Variants in OR1J2 observed in about 807,000 individuals in gnomAD.
OR1J2 encodes olfactory receptor family 1 subfamily J member 2.
For synonymous variants in OR1J2, 142 were observed against 99.7 expected (o/e 1.42, Z -2.52); for missense variants, 304 against 246.1 (o/e 1.24, Z -1.57).
the OR1J2 span, chr9:122,527,367 C>G: frequency 1.2e-6 from 1 of 820,620 alleles, no homozygotes; most frequent in Non-Finnish European, 1.9e-6. Context: ...TGGGCTGACT[C>G]CCAAATCTCC....
At chr9:122,553,803 A>G in the OR1J2 span, 1 of 1,613,970 alleles carries the variant, frequency 6.2e-7, no homozygotes, top group Non-Finnish European at 8.5e-7. Context: ...TACCCATGTA[A>G]ACGAGCTGAT....
the OR1J2 span, among the ~76,000 whole-genome samples, chr9:122,533,959 A>G: frequency 1.8e-4 from 27 of 152,302 alleles, 1 homozygote; most frequent in South Asian, 5.6e-3. Flanking sequence ...CCAGAGTTCC[A>G]GGGGCTCTGG....
chr9:122,477,562 C>T, the OR1J2 span: 1 of 1,614,122 alleles, frequency 6.2e-7, no homozygotes, highest in South Asian at 1.1e-5. Flanking sequence ...GGCCACATAC[C>T]TGTCATATGC....
At chr9:122,513,911 A>G (rs1251963280), downstream of OR1J2, among the ~76,000 whole-genome samples, 1 of 152,230 alleles carries the variant, frequency 6.6e-6, no homozygotes. Flanking sequence ...GACAGCTCAC[A>G]AAAGAGATGA....
the OR1J2 span, among the ~76,000 whole-genome samples, chr9:122,457,770 C>T: frequency 2.0e-5 from 3 of 151,960 alleles, no homozygotes; most frequent in African/African-American, 7.2e-5. Flanking sequence ...AAAAAAACAC[C>T]AAATAGAAAT....
the OR1J2 span, among the ~76,000 whole-genome samples, chr9:122,454,062 C>A: frequency 6.6e-6 from 1 of 152,212 alleles, no homozygotes; most frequent in South Asian, 2.1e-4. Context: ...CTCCAAATCT[C>A]GTACATAAGG....
chr9:122,578,771 A>G, the OR1J2 span, among the ~76,000 whole-genome samples: 1 of 152,158 alleles, frequency 6.6e-6, no homozygotes, highest in Admixed American at 6.5e-5. Context: ...AACAAAAGGC[A>G]TAAGAATGAT....
At chr9:122,521,265 A>G in the OR1J2 span, among the ~76,000 whole-genome samples, 5 of 152,112 alleles carry the variant, frequency 3.3e-5, no homozygotes, top group Non-Finnish European at 4.4e-5. Context: ...TTGTGCAGAC[A>G]CTCCTGAATT....
At chr9:122,523,388 C>A in the OR1J2 span, among the ~76,000 whole-genome samples, 1 of 151,994 alleles carries the variant, frequency 6.6e-6, no homozygotes, top group Non-Finnish European at 1.5e-5. Context: ...TGATGGGCAC[C>A]ATTGGCTGGG....
the OR1J2 span, among the ~76,000 whole-genome samples, chr9:122,486,684 T>G: frequency 6.6e-6 from 1 of 152,244 alleles, no homozygotes; most frequent in African/African-American, 2.4e-5. Flanking sequence ...AATGGCATTA[T>G]TCTCATCTAA....
At chr9:122,448,286 A>G in the OR1J2 span, among the ~76,000 whole-genome samples, 1 of 152,144 alleles carries the variant, frequency 6.6e-6, no homozygotes, top group South Asian at 2.1e-4. Flanking sequence ...CCACCTAAAC[A>G]TCTTAGTGGA....
At chr9:122,477,384 A>G in the OR1J2 span, 22 of 1,614,136 alleles carry the variant, frequency 1.4e-5, no homozygotes, top group South Asian at 2.3e-4. Context: ...GCAGGGCACC[A>G]AGGTCACAGA....
At chr9:122,465,569 GT>G in the OR1J2 span, among the ~76,000 whole-genome samples, 1 of 152,128 alleles carries the variant, frequency 6.6e-6, no homozygotes, top group Non-Finnish European at 1.5e-5. Context: ...CCCCAAACTT[GT>G]TTTGTTAGAA....
chr9:122,476,497 A>G, the OR1J2 span, among the ~76,000 whole-genome samples: 1 of 152,238 alleles, frequency 6.6e-6, no homozygotes, highest in Non-Finnish European at 1.5e-5. Flanking sequence ...AGTCCTATAC[A>G]ACATATCCTA....
chr9:122,493,650 C>A, the OR1J2 span, among the ~76,000 whole-genome samples: 3 of 151,978 alleles, frequency 2.0e-5, no homozygotes, highest in Non-Finnish European at 2.9e-5. Context: ...TTCAAATAAC[C>A]AGCATTTTGT....
downstream of OR1J2, chr9:122,511,757 A>G (rs775618681): frequency 1.3e-6 from 1 of 779,402 alleles, no homozygotes; most frequent in East Asian, 2.4e-5. Context: ...CTGACTTTTT[A>G]AAAAATTAGA....
chr9:122,504,266 C>T, the OR1J2 span, among the ~76,000 whole-genome samples: 1 of 152,192 alleles, frequency 6.6e-6, no homozygotes, highest in Non-Finnish European at 1.5e-5. Context: ...AGAAACACTG[C>T]TTTGCAACTC....
At chr9:122,525,668 C>G in the OR1J2 span, among the ~76,000 whole-genome samples, 2 of 152,154 alleles carry the variant, frequency 1.3e-5, no homozygotes, top group Non-Finnish European at 2.9e-5. Context: ...TTGCACGTTT[C>G]TGACCAGCAT....
At chr9:122,476,872 A>AT in the OR1J2 span, 1 of 631,128 alleles carries the variant, frequency 1.6e-6, no homozygotes, top group Non-Finnish European at 2.8e-6. Context: ...TGCCCGGCTA[A>AT]TTTTTTTGTA....
Sources: allele counts gnomAD v4.1 joint callset (sites outside exome capture counted in the v4.1 genomes callset), GRCh38; gene constraint gnomAD v4.1.1; transcripts MANE v1.5; gene names NCBI Gene and HGNC (gene_info 2026-07-23, HGNC 2026-07-21).